CELSR1: variants seen among roughly 807,000 people sequenced by gnomAD.
The protein encoded by CELSR1 is adhesion G protein-coupled receptor C1.
A neutral mutation model predicts 249.1 loss-of-function variants in CELSR1; 110 were observed. The observed-to-expected ratio is 0.44, with a 90% CI of 0.38 to 0.52. The LOEUF is 0.52. Ranked by LOEUF, CELSR1 falls within the 20% of genes least tolerant of loss-of-function variation. The pLI is 0.00. For missense variants in CELSR1, 4,109 were observed against 4,296.4 expected (o/e 0.96, Z 1.22); for synonymous variants, 2,113 against 1,900.0 (o/e 1.11, Z -2.92).
At position 46,536,428 on chromosome 22, in the gene CELSR1, G is replaced by A; in HGVS notation, c.743C>T (p.Pro248Leu). ...CTCAAACAACGCCACCTGGTAGTTGGGCATCGGAAACTTCAGGCTCCCTCT... is the reference window on the plus strand; with the variant it reads ...CTCAAACAACGCCACCTGGTAGTTGAGCATCGGAAACTTCAGGCTCCCTCT... Reference protein sequence around the residue: ...SGRGSLKFPMPNYQVALFENE... With the variant: ...SGRGSLKFPMLNYQVALFENE... The change falls in exon 1 of 35, where the codon CCC becomes CTC. Residue 248 changes from proline to leucine, a missense_variant. Around this residue, in one of 7 missense-constraint regions of CELSR1, gnomAD observed 673 missense variants for 636.8 expected, o/e 1.06. Transcript: ENST00000674500. 1 of 1,612,326 alleles carries A rather than the reference G, an allele frequency of 6.2e-7. No individual in the cohort carries two copies. The highest frequency in any genetic ancestry group is 2.2e-5 in the East Asian group (1 of 44,840).
In CELSR1 at chr22:46,410,225, C is replaced by T. The variant is rs1020282900; in HGVS notation, c.4933+173G>A. ...CAGATGCAGGAACTGCGGAGATGCA[C>T]ATCTCCAGCCTGGACTCCGGGTTCC... On this transcript the variant is annotated intron_variant, in intron 7 of 34. Coordinates refer to ENST00000674500, the MANE Select transcript of CELSR1 (RefSeq NM_001378328.1). This position sits in a 1 kb window ranked among gnomAD's most constrained non-coding sequence, Gnocchi z 6.8. Among the ~76,000 whole-genome samples the T allele has an allele frequency of 6.6e-6, 1 of 152,228 alleles. No individual in the cohort carries two copies. The highest frequency in any genetic ancestry group is 6.5e-5 in the Admixed American group (1 of 15,292).
rs577575260 is a variant in CELSR1 at position 46,382,053 on chromosome 22, G to A, written c.6884-3C>T. 3.3e-6 allele frequency: 5 copies of A among 1,526,334 alleles called. No homozygotes were observed. The East Asian group carries it at 1.2e-4, about 37-fold the overall frequency. The allele number at this position is 1,526,334 out of a possible 1,614,324, so 94.5% of individuals were successfully genotyped here. A position where few individuals can be genotyped will look rare whatever the true frequency, so the allele number is the denominator to read the frequency against. On this transcript the variant is annotated splice_region_variant and splice_polypyrimidine_tract_variant and intron_variant, in intron 20 of 34. Coordinates refer to ENST00000674500, the MANE Select transcript of CELSR1 (RefSeq NM_001378328.1). Reference sequence around the variant, plus strand: ...AGCCGGCCTCAGCAGGGGGCCTTCTGCAATGTGAGCAGAAGGTGAGGACTC... The same window carrying A: ...AGCCGGCCTCAGCAGGGGGCCTTCTACAATGTGAGCAGAAGGTGAGGACTC...
rs2079838852 is a variant in CELSR1, at chr22:46,447,931, C to G, written c.4184-8520G>C. 6.6e-6 allele frequency among the ~76,000 whole-genome samples: 1 copy of G among 152,212 alleles called. No individual in the cohort carries two copies. On this transcript the variant is annotated intron_variant, in intron 2 of 34. Transcript: ENST00000674500. This position sits in a 1 kb window ranked among gnomAD's most constrained non-coding sequence, Gnocchi z 4.7. ...CACCACACCCGGCCAGAAAAGCATTCTTAACGGCAAAAGAAAAGCTCCCAG... is the reference window on the plus strand; with the variant it reads ...CACCACACCCGGCCAGAAAAGCATTGTTAACGGCAAAAGAAAAGCTCCCAG...
rs1322451723 is a variant in CELSR1, at chr22:46,526,681, C to T, written c.3544+6946G>A. Among the ~76,000 whole-genome samples the T allele has an allele frequency of 3.3e-5, 5 of 152,158 alleles. No homozygotes were observed. The highest frequency in any genetic ancestry group is 2.1e-4 in the South Asian group (1 of 4,828). The stretch of plus-strand genomic sequence containing the variant: ...CTGCACCCGTGGGCCCTCCCCTGCA[C>T]GTGGTTATTCCTGCTCCAGCTCCCA... On this transcript the variant is annotated intron_variant, in intron 1 of 34. Transcript: ENST00000674500. The surrounding 1 kb of genome is among the most constrained non-coding windows in gnomAD (Gnocchi z 4.7).
chr22:46,507,768 G>C (rs974998956), intron 1 of CELSR1, among the ~76,000 whole-genome samples: 2 of 152,176 alleles, frequency 1.3e-5, no homozygotes, highest in African/African-American at 4.8e-5. Context: ...GTGGGGCAGG[G>C]GCCCCACTAC....
In CELSR1 at chr22:46,432,477, G is replaced by A. The variant is rs989580591; in HGVS notation, c.4611+916C>T. Among the ~76,000 whole-genome samples the A allele has an allele frequency of 2.0e-4, 30 of 152,340 alleles. 1 individual carries two copies. Among genetic ancestry groups the A allele is most frequent in the South Asian group, 6.2e-4 (3 of 4,826 alleles). ...CACAGCGGGGGTGGCCAGGCTCCAG[G>A]AGGAGCCGGTAAGACCCACGCAGAC... On this transcript the variant is annotated intron_variant, in intron 5 of 34. Transcript: ENST00000674500.
intron 18 of CELSR1, among the ~76,000 whole-genome samples, chr22:46,387,269 T>C (rs1276149368): frequency 3.3e-5 from 5 of 152,240 alleles, no homozygotes; most frequent in Admixed American, 3.3e-4. Context: ...ACATGACATA[T>C]ATTAATTCCA....
At position 46,439,174 on chromosome 22, in the gene CELSR1, G is replaced by A. The variant is rs369288106; in HGVS notation, c.4406+15C>T. On this transcript the variant is annotated intron_variant, in intron 3 of 34. Coordinates refer to ENST00000674500, the MANE Select transcript of CELSR1 (RefSeq NM_001378328.1). ...TAAAGAGACCCCCGTGTGGCGCGGC[G>A]GGACGCACACTCACGTGAGGGAGAT... is the stretch of plus-strand genomic sequence containing the variant. 3.6e-5 allele frequency: 57 copies of A among 1,605,334 alleles called. No individual in the cohort carries two copies. The highest frequency in any genetic ancestry group is 2.8e-4 in the South Asian group (25 of 90,458).
rs1238228675 is a variant in CELSR1, at chr22:46,412,297, C to G, written c.4612-538G>C. 6.6e-6 allele frequency among the ~76,000 whole-genome samples: 1 copy of G among 152,188 alleles called. No homozygotes were observed. Among genetic ancestry groups the G allele is most frequent in the Non-Finnish European group, 1.5e-5 (1 of 68,028 alleles). On this transcript the variant is annotated intron_variant, in intron 5 of 34. Transcript: ENST00000674500. The surrounding 1 kb of genome is among the most constrained non-coding windows in gnomAD (Gnocchi z 4.5). ...AATCATGTCTGTTGTTTGAGCCACC[C>G]TGTCCGTGGTACTTTGTGATGGTGG...
intron 1 of CELSR1, among the ~76,000 whole-genome samples, chr22:46,520,279 C>T (rs1320819752): frequency 6.6e-6 from 1 of 152,050 alleles, no homozygotes; most frequent in Non-Finnish European, 1.5e-5. Context: ...GGCCTCGAAC[C>T]CCAGGACAGG....
chr22:46,373,128 G>A, intron 24 of CELSR1, 71 bp from the exon 25 acceptor site: 10 of 1,449,296 alleles, frequency 6.9e-6, no homozygotes, highest in Non-Finnish European at 8.3e-6. Context: ...ATGAGTGAGG[G>A]GTGGGGGATG....
rs2079676093 is a variant in CELSR1, at chr22:46,437,439, C to T, written c.4407-1150G>A. 6.6e-6 allele frequency among the ~76,000 whole-genome samples: 1 copy of T among 152,220 alleles called. No homozygotes were observed. The highest frequency in any genetic ancestry group is 1.5e-5 in the Non-Finnish European group (1 of 68,044). On this transcript the variant is annotated intron_variant, in intron 3 of 34. Coordinates refer to ENST00000674500, the MANE Select transcript of CELSR1 (RefSeq NM_001378328.1). This position sits in a 1 kb window ranked among gnomAD's most constrained non-coding sequence, Gnocchi z 4.9. ...GCCCGAGCCAGCCTCGAGCATCTGA[C>T]CTCAGCCTTTTCTCTGGAGTTAAAA...
rs772505696 is a variant in CELSR1 at position 46,364,105 on chromosome 22, A to C, written c.8926T>G (p.Cys2976Gly). The C allele has an allele frequency of 9.9e-6, 16 of 1,612,206 alleles. No individual in the cohort carries two copies. In the South Asian group the frequency reaches 1.4e-4, roughly 14 times the overall value. Residue 2976 changes from cysteine to glycine, a missense_variant, in exon 34 of 35, where the codon TGC becomes GGC. Cys to Gly is a radical substitution (Grantham distance 159). This residue lies in a region of CELSR1 where 1,805 missense variants were observed against 1,831.6 expected (regional missense o/e 0.99). Transcript: ENST00000674500. ...TSSLGSGGPD[C>G]AITVKSPGRE... ...CCAGGGCTCTTGACTGTGATGGCGCAGTCGGGGCCGCCAGAGCCCAGGGAA... is the reference window on the plus strand; with the variant it reads ...CCAGGGCTCTTGACTGTGATGGCGCCGTCGGGGCCGCCAGAGCCCAGGGAA...
At position 46,423,902 on chromosome 22, in the gene CELSR1, G is replaced by A. The variant is rs951218451; in HGVS notation, c.4611+9491C>T. On this transcript the variant is annotated intron_variant, in intron 5 of 34. Coordinates refer to ENST00000674500, the MANE Select transcript of CELSR1 (RefSeq NM_001378328.1). The surrounding 1 kb of genome is among the most constrained non-coding windows in gnomAD (Gnocchi z 5.6). ...AGGGCAGGAGAATGGCTTGAACTCAGGAGGCGGAGGTTGCAGTGAGCCGAG... is the reference window on the plus strand; with the variant it reads ...AGGGCAGGAGAATGGCTTGAACTCAAGAGGCGGAGGTTGCAGTGAGCCGAG... 3.3e-5 allele frequency among the ~76,000 whole-genome samples: 5 copies of A among 152,124 alleles called. No homozygotes were observed. The highest frequency in any genetic ancestry group is 1.2e-4 in the African/African-American group (5 of 41,408).
intron 24 of CELSR1, among the ~76,000 whole-genome samples, chr22:46,373,597 G>A (rs2078882020): frequency 6.7e-6 from 1 of 149,552 alleles, no homozygotes; most frequent in African/African-American, 2.5e-5. Flanking sequence ...GCTGGGAGAG[G>A]ATGGCAGGCT....
rs1026831286 is a variant in CELSR1, at chr22:46,399,357, G to A, written c.5412+360C>T. ...CTCCCCATCCATGCTCTGAGGGCAC[G>A]GGCCCCAGCATTGCTACTTCAGTAC... On this transcript the variant is annotated intron_variant, in intron 10 of 34. Transcript: ENST00000674500. The surrounding 1 kb of genome is among the most constrained non-coding windows in gnomAD (Gnocchi z 5.0). 9.2e-5 allele frequency among the ~76,000 whole-genome samples: 14 copies of A among 152,168 alleles called. No homozygotes were observed. The highest frequency in any genetic ancestry group is 1.3e-4 in the Non-Finnish European group (9 of 68,024).
In CELSR1 at chr22:46,391,146, G is replaced by A. The variant is rs768021997; in HGVS notation, c.6250+40C>T. On this transcript the variant is annotated intron_variant, in intron 16 of 34. Coordinates refer to ENST00000674500, the MANE Select transcript of CELSR1 (RefSeq NM_001378328.1). The surrounding 1 kb of genome is among the most constrained non-coding windows in gnomAD (Gnocchi z 4.3). ...CTCGACTGGCTCCTCCCACAAGGACGCCTGCCTCAGTTCCCTACACACAGG... is the reference window on the plus strand; with the variant it reads ...CTCGACTGGCTCCTCCCACAAGGACACCTGCCTCAGTTCCCTACACACAGG... The A allele has an allele frequency of 1.1e-5, 16 of 1,522,202 alleles. No homozygotes were observed. In the East Asian group the frequency reaches 1.8e-4, roughly 17 times the overall value. 94.3% of individuals were successfully genotyped at this position (1,522,202 alleles called of 1,614,324 possible). A position where few individuals can be genotyped will look rare whatever the true frequency, so the allele number is the denominator to read the frequency against.
rs1467787266 is a variant in CELSR1, at chr22:46,363,165, T to C, written c.*58A>G. On this transcript the variant is annotated 3_prime_UTR_variant, in exon 35 of 35. Coordinates refer to ENST00000674500, the MANE Select transcript of CELSR1 (RefSeq NM_001378328.1). This position sits in a 1 kb window ranked among gnomAD's most constrained non-coding sequence, Gnocchi z 4.3. ...GGGTGATGCCGCAGCCTGTGTGGGG[T>C]GACGGGCTTGCCTCACGGTTTCCTG... 6.2e-7 allele frequency: 1 copy of C among 1,613,582 alleles called. No individual in the cohort carries two copies. The highest frequency in any genetic ancestry group is 1.1e-5 in the South Asian group (1 of 91,060).
Position 46,445,843 on chromosome 22 carries a change from T to C in CELSR1, c.4184-6432A>G, listed in dbSNP as rs1555919181. Among the ~76,000 whole-genome samples the C allele has an allele frequency of 6.6e-6, 1 of 152,168 alleles. No homozygotes were observed. The highest frequency in any genetic ancestry group is 1.5e-5 in the Non-Finnish European group (1 of 68,018). On this transcript the variant is annotated intron_variant, in intron 2 of 34. Transcript: ENST00000674500. The surrounding 1 kb of genome is among the most constrained non-coding windows in gnomAD (Gnocchi z 4.4). ...TCTCCCTGCTTGCAGGAGATGCTGC[T>C]CCTGGCCTTTGCCAGCTCATCCTCC...
Sources: gnomAD v4.1 joint callset for allele counts (sites outside exome capture counted in the v4.1 genomes callset) on GRCh38, gnomAD v4.1.1 for gene constraint, gnomAD v4.1.1 regional missense constraint, Gnocchi (gnomAD v3.1) non-coding constraint, MANE v1.5 for transcripts, NCBI Gene and HGNC (gene_info 2026-07-23, HGNC 2026-07-21) for gene names.